Variants in NEK2 observed in about 807,000 individuals in gnomAD.
NEK2 encodes serine/threonine-protein kinase Nek2.
In NEK2, 28 loss-of-function variants were observed where a neutral mutation model predicts 54.1. That is an observed-to-expected ratio of 0.52 (90% CI 0.38 to 0.71). The LOEUF (loss-of-function observed/expected upper bound fraction) is 0.71, where lower values mean the gene tolerates loss of function less well. Among genes scored for constraint, NEK2 ranks in the 30% least tolerant of loss-of-function variants. The probability of loss-of-function intolerance (pLI) is 0.00; values close to 1 mark genes in which losing one functional copy is unlikely to be tolerated. For missense variants in NEK2, 407 were observed against 531.5 expected (o/e 0.77, Z 2.30); for synonymous variants, 176 against 193.1 (o/e 0.91, Z 0.73).
downstream of NEK2, chr1:211,660,605 C>G: frequency 1.6e-6 from 1 of 641,720 alleles, no homozygotes; most frequent in Non-Finnish European, 3.0e-6. Context: ...CCATCAATGC[C>G]TGCCATATGC....
At chr1:211,673,774 A>G (rs1655482815) in intron 2 of NEK2, 51 bp from the exon 3 acceptor site, 1 of 1,570,734 alleles carries the variant, frequency 6.4e-7, no homozygotes, top group South Asian at 1.1e-5. Context: ...AATCATTGCC[A>G]AGATGGGATG....
In NEK2 at chr1:211,675,593, AC is replaced by A; in HGVS notation, c.-115del. 3 of 768,010 alleles carry A rather than the reference AC, an allele frequency of 3.9e-6. No individual in the cohort carries two copies. Among genetic ancestry groups the A allele is most frequent in the South Asian group, 1.7e-5 (1 of 59,148 alleles). The allele number at this position is 768,010 out of a possible 1,614,324, so 47.6% of individuals were successfully genotyped here. On this transcript the variant is annotated 5_prime_UTR_variant, in exon 1 of 8. Coordinates refer to ENST00000366999, the MANE Select transcript of NEK2 (RefSeq NM_002497.4). The stretch of plus-strand genomic sequence containing the variant: ...ATGGAGAAGCCCCCGAGCAGCACTG[AC>A]CCGCCACCCCTGCCTTGGGCCCCGT...
chr1:211,660,292 T>C, downstream of NEK2: 1 of 447,732 alleles, frequency 2.2e-6, no homozygotes, highest in South Asian at 1.9e-5. Flanking sequence ...GCTGTGGCTG[T>C]AACTGTCATC....
At chr1:211,661,380 T>A, downstream of NEK2, 1 of 336,886 alleles carries the variant, frequency 3.0e-6, no homozygotes, top group Non-Finnish European at 5.6e-6. Flanking sequence ...TTGGGCTGAA[T>A]GGAAAAAAAA....
In NEK2 at chr1:211,671,259, T is replaced by C. The variant is rs1241595367; in HGVS notation, c.581A>G (p.Asn194Ser). 6.2e-7 allele frequency: 1 copy of C among 1,613,480 alleles called. No individual in the cohort carries two copies. The highest frequency in any genetic ancestry group is 8.5e-7 in the Non-Finnish European group (1 of 1,179,556). Residue 194 changes from asparagine to serine, a missense_variant, in exon 4 of 8, where the codon AAT becomes AGT. Coordinates refer to ENST00000366999, the MANE Select transcript of NEK2 (RefSeq NM_002497.4). ...CAATGACCAGATATCTGATTTCTCA[T>C]TGTAGGACATGCGATTCATTTGTTC... is the stretch of plus-strand genomic sequence containing the variant. The part of the protein sequence containing the change: ...SPEQMNRMSY[N>S]EKSDIWSLGC...
intron 5 of NEK2, 56 bp downstream of exon 5, chr1:211,670,225 C>T: frequency 1.3e-6 from 2 of 1,529,954 alleles, no homozygotes; most frequent in Non-Finnish European, 1.8e-6. Context: ...AGAATGTATG[C>T]TCTGACACTT....
downstream of NEK2, chr1:211,660,519 A>G: frequency 1.5e-6 from 1 of 648,098 alleles, no homozygotes; most frequent in Non-Finnish European, 3.0e-6. Flanking sequence ...CAAAGAGGTC[A>G]AAGTGATCAT....
intron 7 of NEK2, among the ~76,000 whole-genome samples, chr1:211,664,539 C>T (rs1655116149): frequency 6.6e-6 from 1 of 152,042 alleles, no homozygotes; most frequent in Non-Finnish European, 1.5e-5. Context: ...GTGCTGGGTG[C>T]TGGGTGTAAT....
Position 211,669,169 on chromosome 1 carries a change from T to C in NEK2, c.929A>G (p.Glu310Gly). The change falls in exon 6 of 8, where the codon GAA becomes GGA. Residue 310 changes from glutamate to glycine, a missense_variant. Glu to Gly is a moderately conservative substitution (Grantham distance 98). Transcript: ENST00000366999. ...TCGCTCTCGCTCCTGTAACTGAATT[T>C]CCTTCAGTTTCAGCTCACTCAATAC... Reference protein sequence around the residue: ...SPVLSELKLKEIQLQERERAL... With the variant: ...SPVLSELKLKGIQLQERERAL... The C allele has an allele frequency of 6.2e-7, 1 of 1,613,988 alleles. No homozygotes were observed. The highest frequency in any genetic ancestry group is 8.5e-7 in the Non-Finnish European group (1 of 1,179,878).
chr1:211,674,547 CATT>C (rs1159278791), intron 1 of NEK2, 34 bp from the exon 2 acceptor site: 1 of 1,462,344 alleles, frequency 6.8e-7, no homozygotes, highest in Non-Finnish European at 9.3e-7. Context: ...TGAATGAACT[CATT>C]ATGCTCAAAA....
At chr1:211,670,161 T>C (rs1052344885) in intron 5 of NEK2, 120 bp downstream of exon 5, 6 of 1,096,086 alleles carry the variant, frequency 5.5e-6, no homozygotes, top group Non-Finnish European at 7.6e-6. Flanking sequence ...ACACAGTAAA[T>C]TTAGCTAAGA....
intron 3 of NEK2, among the ~76,000 whole-genome samples, chr1:211,672,500 C>G (rs1050679250): frequency 6.6e-6 from 1 of 151,856 alleles, no homozygotes; most frequent in Non-Finnish European, 1.5e-5. Flanking sequence ...AAAAAGTTAA[C>G]ATTGTAAAAA....
Position 211,674,284 on chromosome 1 carries a change from G to C in NEK2, c.314+12C>G, listed in dbSNP as rs749206654. On this transcript the variant is annotated intron_variant, in intron 2 of 7. Transcript: ENST00000366999. ...CCAATTTCAGCTTACATTTTTAAAA[G>C]ATTATGCTTACCTTTCCTTGGTTCC... The C allele has an allele frequency of 1.3e-6, 2 of 1,596,340 alleles. No homozygotes were observed. The highest frequency in any genetic ancestry group is 1.7e-5 in the Admixed American group (1 of 58,584).
downstream of NEK2, chr1:211,660,736 AG>A: frequency 2.9e-6 from 2 of 684,796 alleles, no homozygotes; most frequent in Non-Finnish European, 5.5e-6. Context: ...GATGGGGTCC[AG>A]GGTCTGCCCA....
chr1:211,673,019 A>G (rs1180489366), intron 3 of NEK2, among the ~76,000 whole-genome samples: 1 of 151,706 alleles, frequency 6.6e-6, no homozygotes, highest in East Asian at 1.9e-4. Flanking sequence ...CTGGTGGTCC[A>G]TGTGGAAAAA....
At chr1:211,667,002 GATTTGT>G in intron 7 of NEK2, 98 bp downstream of exon 7, 1 of 1,541,614 alleles carries the variant, frequency 6.5e-7, no homozygotes, top group Admixed American at 2.3e-5. Flanking sequence ...TAAAATTTGA[GATTTGT>G]AAATGAAAAG....
chr1:211,664,518 G>C (rs1655115211), intron 7 of NEK2, among the ~76,000 whole-genome samples: 1 of 152,072 alleles, frequency 6.6e-6, no homozygotes, highest in African/African-American at 2.4e-5. Flanking sequence ...CTGGAAACAG[G>C]GACATGCTGG....
chr1:211,670,150 A>T, intron 5 of NEK2, 131 bp downstream of exon 5: 1 of 992,048 alleles, frequency 1.0e-6, no homozygotes, highest in Non-Finnish European at 1.4e-6. Flanking sequence ...CACTTGTGTT[A>T]ACACAGTAAA....
Position 211,674,349 on chromosome 1 carries a change from T to A in NEK2, c.261A>T (p.Glu87Asp). 6.2e-7 allele frequency: 1 copy of A among 1,614,128 alleles called. No individual in the cohort carries two copies. The highest frequency in any genetic ancestry group is 8.5e-7 in the Non-Finnish European group (1 of 1,179,964). ...RTNTTLYIVMEYCEGGDLASV... is the reference protein window; with the variant it reads ...RTNTTLYIVMDYCEGGDLASV... The stretch of plus-strand genomic sequence containing the variant: ...TAGCCAGATCCCCTCCTTCACAATA[T>A]TCCATTACAATGTACAGTGTTGTAT... Residue 87 changes from glutamate (E) to aspartate (D), a missense_variant, in exon 2 of 8, where the codon GAA (glutamate) becomes GAT (aspartate). Coordinates refer to ENST00000366999, the MANE Select transcript of NEK2 (RefSeq NM_002497.4).
Sources: allele counts gnomAD v4.1 joint callset (sites outside exome capture counted in the v4.1 genomes callset), GRCh38; gene constraint gnomAD v4.1.1; transcripts MANE v1.5; gene names NCBI Gene and HGNC (gene_info 2026-07-23, HGNC 2026-07-21).